The following NRXN3 variants were observed in gnomAD, a reference collection of about 807,000 sequenced individuals.
NRXN3 encodes the protein neurexin III.
Under a neutral mutation model 137.6 loss-of-function variants are expected in NRXN3, and 32 were observed. The observed-to-expected ratio is 0.23, with a 90% CI of 0.18 to 0.31. NRXN3 has a LOEUF of 0.31. Among genes scored for constraint, NRXN3 ranks in the 10% least tolerant of loss-of-function variants. The pLI is 1.00. For synonymous variants in NRXN3, 798 were observed against 784.5 expected (o/e 1.02, Z -0.29); for missense variants, 1,574 against 2,062.5 (o/e 0.76, Z 4.59).
intron 16 of NRXN3, among the ~76,000 whole-genome samples, chr14:79,497,679 A>G (rs1006816111): frequency 6.6e-6 from 1 of 152,160 alleles, no homozygotes; most frequent in Non-Finnish European, 1.5e-5. Context: ...TGAATTTCCA[A>G]TGCCTAAAAT....
At chr14:78,171,364 G>A (rs954963799) in intron 1 of NRXN3, among the ~76,000 whole-genome samples, 5 of 151,804 alleles carry the variant, frequency 3.3e-5, no homozygotes, top group Admixed American at 1.3e-4. Context: ...GTGTGTGCGC[G>A]GGTGTGTGCT....
At chr14:79,250,007 C>T (rs957794783) in intron 15 of NRXN3, among the ~76,000 whole-genome samples, 1 of 152,198 alleles carries the variant, frequency 6.6e-6, no homozygotes, top group African/African-American at 2.4e-5. Context: ...AATAACCAAT[C>T]AGTATACAGA....
At chr14:79,613,059 T>C (rs1167221952) in intron 16 of NRXN3, among the ~76,000 whole-genome samples, 3 of 152,198 alleles carry the variant, frequency 2.0e-5, no homozygotes, top group Non-Finnish European at 4.4e-5. Context: ...CTTAAAGGCA[T>C]CTGACTCAGT....
intron 15 of NRXN3, among the ~76,000 whole-genome samples, chr14:79,251,654 G>A (rs888649840): frequency 5.9e-5 from 9 of 152,042 alleles, no homozygotes; most frequent in Admixed American, 4.6e-4. Flanking sequence ...ATTCACAGGT[G>A]GTGAACAATA....
At chr14:78,774,241 A>G (rs2098738012) in intron 8 of NRXN3, among the ~76,000 whole-genome samples, 1 of 152,216 alleles carries the variant, frequency 6.6e-6, no homozygotes, top group Non-Finnish European at 1.5e-5. Flanking sequence ...AAATGCTAGG[A>G]TTGAATGTTA....
intron 16 of NRXN3, among the ~76,000 whole-genome samples, chr14:79,572,571 C>A (rs1335289771): frequency 6.6e-6 from 1 of 152,160 alleles, no homozygotes. Context: ...CAAGTGGACT[C>A]TGAAAATAGC....
In NRXN3 at chr14:79,832,626, C is replaced by T. The variant is rs75738893; in HGVS notation, c.4093+27436C>T. Among the ~76,000 whole-genome samples the T allele has an allele frequency of 2.3e-3, 349 of 152,062 alleles. 13 individuals are homozygous for T. In the East Asian group the frequency reaches 0.045, roughly 20 times the overall value. On this transcript the variant is annotated intron_variant, in intron 20 of 20. Coordinates refer to ENST00000335750, the MANE Select transcript of NRXN3 (RefSeq NM_001330195.2). ...AATAGCCTACAGTGCTCAGACAGCC[C>T]CCACCACAGAGAATTATCCCACCCA...
intron 4 of NRXN3, among the ~76,000 whole-genome samples, chr14:78,349,248 G>T (rs2153591306): frequency 6.6e-6 from 1 of 152,336 alleles, no homozygotes; most frequent in Admixed American, 6.5e-5. Context: ...CTCTGGTGCA[G>T]GGGCAAGACT....
chr14:78,182,300 A>G (rs1011588065), intron 1 of NRXN3, among the ~76,000 whole-genome samples: 4 of 152,104 alleles, frequency 2.6e-5, no homozygotes, highest in African/African-American at 7.2e-5. Flanking sequence ...GTCTGGAACT[A>G]AAACCAAAGC....
intron 20 of NRXN3, among the ~76,000 whole-genome samples, chr14:79,856,069 T>A (rs1337764785): frequency 6.6e-6 from 1 of 152,150 alleles, no homozygotes; most frequent in Non-Finnish European, 1.5e-5. Context: ...AAAAATATAA[T>A]CTGTAGCCTT....
At chr14:78,553,941 A>G (rs2096715702) in intron 4 of NRXN3, among the ~76,000 whole-genome samples, 1 of 152,174 alleles carries the variant, frequency 6.6e-6, no homozygotes, top group Admixed American at 6.5e-5. Context: ...TTGGAAAGAA[A>G]AGGGAAAAGA....
At chr14:79,685,226 A>C (rs1231420797) in intron 17 of NRXN3, among the ~76,000 whole-genome samples, 3 of 152,172 alleles carry the variant, frequency 2.0e-5, no homozygotes, top group Non-Finnish European at 4.4e-5. Context: ...CATGCTTTAT[A>C]TACATTTCCT....
chr14:78,808,492 G>C (rs1178964527), intron 9 of NRXN3, among the ~76,000 whole-genome samples: 1 of 152,072 alleles, frequency 6.6e-6, no homozygotes, highest in Non-Finnish European at 1.5e-5. Flanking sequence ...CATTTCTCCA[G>C]CTTTGGGTGA....
In NRXN3 at chr14:78,767,026, G is replaced by A. The variant is rs185592621; in HGVS notation, c.2045-36594G>A. Among the ~76,000 whole-genome samples the A allele has an allele frequency of 3.0e-3, 451 of 152,260 alleles. 1 individual carries two copies. Among genetic ancestry groups the A allele is most frequent in the Non-Finnish European group, 4.7e-3 (317 of 68,018 alleles). On this transcript the variant is annotated intron_variant, in intron 8 of 20. Coordinates refer to ENST00000335750, the MANE Select transcript of NRXN3 (RefSeq NM_001330195.2). ...ATAACAAATTACTAGGGACTTAGCT[G>A]CTTAAAACAACACACATTGATTACC... is the stretch of plus-strand genomic sequence containing the variant.
intron 18 of NRXN3, 130 bp from the exon 19 acceptor site, chr14:79,697,500 T>C: frequency 2.4e-6 from 2 of 848,840 alleles, no homozygotes; most frequent in Non-Finnish European, 1.8e-6. Context: ...ACTGAGGTTT[T>C]GTTGTCTATT....
Position 78,781,866 on chromosome 14 carries a change from A to C in NRXN3, c.2045-21754A>C, listed in dbSNP as rs1041638122. 4.7e-4 allele frequency among the ~76,000 whole-genome samples: 72 copies of C among 152,308 alleles called. 1 individual carries two copies. Among genetic ancestry groups the C allele is most frequent in the African/African-American group, 1.7e-3 (70 of 41,546 alleles). ...AAACCACACAGGTTCATATAATACA[A>C]ACCAAAACAAAACAACCTTCTCACA... On this transcript the variant is annotated intron_variant, in intron 8 of 20. Coordinates refer to ENST00000335750, the MANE Select transcript of NRXN3 (RefSeq NM_001330195.2).
chr14:79,673,115 T>C (rs1439448906), intron 17 of NRXN3, among the ~76,000 whole-genome samples: 1 of 151,950 alleles, frequency 6.6e-6, no homozygotes, highest in Non-Finnish European at 1.5e-5. Flanking sequence ...TCCCTGTCAA[T>C]ATCCTAGCAG....
chr14:78,409,576 T>C (rs1216921919), intron 4 of NRXN3, among the ~76,000 whole-genome samples: 1 of 152,206 alleles, frequency 6.6e-6, no homozygotes, highest in East Asian at 1.9e-4. Flanking sequence ...AACCTCTTGA[T>C]ATGAATTTAG....
At chr14:79,064,510 C>G (rs971812486) in intron 15 of NRXN3, among the ~76,000 whole-genome samples, 2 of 151,906 alleles carry the variant, frequency 1.3e-5, no homozygotes, top group Non-Finnish European at 1.5e-5. Context: ...TAGTTGGTTC[C>G]CTAAATCTCA....
Sources: allele counts gnomAD v4.1 joint callset (sites outside exome capture counted in the v4.1 genomes callset), GRCh38; gene constraint gnomAD v4.1.1; transcripts MANE v1.5; gene names NCBI Gene and HGNC (gene_info 2026-07-23, HGNC 2026-07-21).